The following PTPN9 variants were observed in gnomAD, a reference collection of about 807,000 sequenced individuals.
PTPN9 encodes tyrosine-protein phosphatase non-receptor type 9.
Under a neutral mutation model 69.8 loss-of-function variants are expected in PTPN9, and 26 were observed. The ratio of observed to expected loss-of-function variants is 0.37; its 90% CI spans 0.27 to 0.52. PTPN9 has a LOEUF of 0.52. Among genes scored for constraint, PTPN9 ranks in the 20% least tolerant of loss-of-function variants. PTPN9 has a pLI of 0.91. For synonymous variants in PTPN9, 274 were observed against 272.5 expected (o/e 1.01, Z -0.05); for missense variants, 549 against 740.3 (o/e 0.74, Z 3.00).
intron 2 of PTPN9, among the ~76,000 whole-genome samples, chr15:75,526,028 C>T (rs1308716687): frequency 2.0e-5 from 3 of 150,892 alleles, no homozygotes; most frequent in African/African-American, 7.3e-5. Flanking sequence ...AACAGTCTCA[C>T]TCTGTTGCCC....
At chr15:75,553,607 C>G (rs1255494313) in intron 1 of PTPN9, among the ~76,000 whole-genome samples, 1 of 152,086 alleles carries the variant, frequency 6.6e-6, no homozygotes, top group Admixed American at 6.6e-5. Context: ...TATATCCCCC[C>G]ACAACATATT....
intron 2 of PTPN9, among the ~76,000 whole-genome samples, chr15:75,526,880 G>A (rs577626191): frequency 4.6e-5 from 7 of 152,270 alleles, no homozygotes; most frequent in African/African-American, 9.6e-5. Flanking sequence ...TACTTCCTCC[G>A]TCTCAATCAT....
In PTPN9 at chr15:75,517,338, A is replaced by G. The variant is rs1388099911; in HGVS notation, c.449T>C (p.Val150Ala). 5 of 1,613,602 alleles carry G rather than the reference A, an allele frequency of 3.1e-6. No individual in the cohort carries two copies. Among genetic ancestry groups the G allele is most frequent in the Non-Finnish European group, 4.2e-6 (5 of 1,179,826 alleles). ...DSFETQRNGL[V>A]FIYDMCGSNY... The stretch of plus-strand genomic sequence containing the variant: ...AGAACCACACATGTCATAGATAAAC[A>G]CCAGTCCATTCCTCTGAGTTTCAAA... The change falls in exon 5 of 13, where the codon GTG becomes GCG. Residue 150 changes from valine (V) to alanine (A), a missense_variant. Physicochemically the swap from Val to Ala is moderately conservative, Grantham distance 64 (BLOSUM62 0). Around this residue, in one of 3 missense-constraint regions of PTPN9, gnomAD observed 457 missense variants for 661.9 expected, o/e 0.69. Transcript: ENST00000618819.
At chr15:75,503,133 C>T (rs1434771944) in intron 7 of PTPN9, among the ~76,000 whole-genome samples, 1 of 150,436 alleles carries the variant, frequency 6.6e-6, no homozygotes, top group Non-Finnish European at 1.5e-5. Context: ...TGCCTGGCTG[C>T]CCAGTCTGGA....
intron 1 of PTPN9, among the ~76,000 whole-genome samples, chr15:75,545,315 C>T (rs1331771929): frequency 1.3e-5 from 2 of 152,074 alleles, no homozygotes; most frequent in Admixed American, 6.6e-5. Context: ...CACTTGTAAT[C>T]CCAACACTAT....
intron 8 of PTPN9, among the ~76,000 whole-genome samples, 172 bp downstream of exon 8, chr15:75,490,036 A>G (rs1409455571): frequency 1.3e-5 from 2 of 152,246 alleles, no homozygotes; most frequent in African/African-American, 4.8e-5. Flanking sequence ...TGAGATGGGC[A>G]TTTGAGGACT....
chr15:75,527,092 G>A (rs2074931615), intron 2 of PTPN9, 26 bp downstream of exon 2: 4 of 1,613,838 alleles, frequency 2.5e-6, no homozygotes, highest in Non-Finnish European at 3.4e-6. Flanking sequence ...ACTGCCACAG[G>A]TCTGGTCTAC....
At chr15:75,513,111 T>C (rs1279409764) in intron 5 of PTPN9, 1 of 379,836 alleles carries the variant, frequency 2.6e-6, no homozygotes, top group East Asian at 7.1e-5. Context: ...CCCTGGTGAC[T>C]GCAGCAGGTA....
rs1220654496 is a variant in PTPN9, at chr15:75,503,469, C to T, written c.968+2206G>A. Among the ~76,000 whole-genome samples the T allele has an allele frequency of 2.7e-5, 4 of 145,758 alleles. No individual in the cohort carries two copies. The East Asian group carries it at 8.4e-4, about 30-fold the overall frequency. ...CGCCCCGTCTGAGAAGTGAGGAGTC[C>T]CTCTGCCCGGCAGCCACCCCGTCTG... On this transcript the variant is annotated intron_variant, in intron 7 of 12. Transcript: ENST00000618819.
chr15:75,505,938 C>G lies in PTPN9; in HGVS notation c.705G>C (p.Leu235=). ...CGAGATCAATTTTGACGTACCCACC[C>G]AGGTTTTCTGGAAGACACTCCCTGG... is the stretch of plus-strand genomic sequence containing the variant. ...HLPRECLPEN[L]GGYVKIDLAT... Residue 235 remains leucine, a synonymous_variant, in exon 7 of 13, where the codon CTG becomes CTC. Transcript: ENST00000618819. The G allele has an allele frequency of 6.2e-7, 1 of 1,614,060 alleles. No individual in the cohort carries two copies. The highest frequency in any genetic ancestry group is 8.5e-7 in the Non-Finnish European group (1 of 1,179,972).
intron 5 of PTPN9, chr15:75,513,144 G>C: frequency 2.5e-6 from 1 of 405,582 alleles, no homozygotes; most frequent in Non-Finnish European, 4.9e-6. Flanking sequence ...CATGTAAATA[G>C]ACTAGGCCCA....
At chr15:75,486,112 A>AC (rs35520792) in intron 8 of PTPN9, among the ~76,000 whole-genome samples, 1,677 of 151,254 alleles carry the variant, frequency 0.011, 39 homozygotes, top group East Asian at 0.1. Context: ...AAAAAAAAAA[A>AC]AAAACAAAAC....
At chr15:75,528,607 T>A (rs146878997) in intron 1 of PTPN9, among the ~76,000 whole-genome samples, 1 of 152,042 alleles carries the variant, frequency 6.6e-6, no homozygotes, top group Non-Finnish European at 1.5e-5. Flanking sequence ...TAGCCCAGGA[T>A]TGGTCTCAAA....
intron 1 of PTPN9, among the ~76,000 whole-genome samples, chr15:75,547,526 C>A (rs1180827467): frequency 6.6e-6 from 1 of 152,046 alleles, no homozygotes; most frequent in Non-Finnish European, 1.5e-5. Context: ...TACATTTTCT[C>A]ATCCAAAAAA....
Position 75,466,396 on chromosome 15 carries a change from T to C in PTPN9, c.*2373A>G, listed in dbSNP as rs540328905. On this transcript the variant is annotated 3_prime_UTR_variant, in exon 13 of 13. Transcript: ENST00000618819. ...GTATGATATGGGGAGTGGTCTTCCA[T>C]GTACAAAGCTTCTGGTTCCTTTCTT... is the stretch of plus-strand genomic sequence containing the variant. 7 of 152,354 alleles carry C rather than the reference T, an allele frequency of 4.6e-5. No individual in the cohort carries two copies. Among genetic ancestry groups the C allele is most frequent in the African/African-American group, 1.7e-4 (7 of 41,562 alleles). The allele number at this position is 152,354 out of a possible 1,614,324, so 9.4% of individuals were successfully genotyped here. A position where few individuals can be genotyped will look rare whatever the true frequency, so the allele number is the denominator to read the frequency against.
intron 8 of PTPN9, among the ~76,000 whole-genome samples, chr15:75,487,015 G>A (rs550338162): frequency 6.6e-6 from 1 of 152,104 alleles, no homozygotes; most frequent in Admixed American, 6.5e-5. Context: ...TCGATCTCCT[G>A]ACCTTGTGAT....
rs571550273 is a variant in PTPN9, at chr15:75,470,083, C to G, written c.1360-84G>C. The G allele has an allele frequency of 9.5e-5, 116 of 1,227,356 alleles. No homozygotes were observed. In the African/African-American group the frequency reaches 1.5e-3, roughly 16 times the overall value. The allele number at this position is 1,227,356 out of a possible 1,614,324, so 76.0% of individuals were successfully genotyped here. A position where few individuals can be genotyped will look rare whatever the true frequency, so the allele number is the denominator to read the frequency against. ...TCTGGCTTTTCCAGATTCTCAACAC[C>G]CTGGTTATCCCTACCACCAAGGCTC... On this transcript the variant is annotated intron_variant, in intron 11 of 12. Transcript: ENST00000618819.
chr15:75,565,410 T>C (rs1230285739), intron 1 of PTPN9, among the ~76,000 whole-genome samples: 3 of 152,166 alleles, frequency 2.0e-5, no homozygotes, highest in Non-Finnish European at 2.9e-5. Flanking sequence ...TTTTCAGAGA[T>C]AAACCATGGT....
At chr15:75,490,350 G>C (rs369936778) in intron 7 of PTPN9, 49 bp from the exon 8 acceptor site, 113 of 1,326,528 alleles carry the variant, frequency 8.5e-5, no homozygotes, top group Non-Finnish European at 1.2e-4. Flanking sequence ...AGTGGGGACA[G>C]TATGTATGTA....
Sources: allele counts gnomAD v4.1 joint callset (sites outside exome capture counted in the v4.1 genomes callset), GRCh38; gene constraint gnomAD v4.1.1; regional missense constraint gnomAD v4.1.1; transcripts MANE v1.5; gene names NCBI Gene and HGNC (gene_info 2026-07-23, HGNC 2026-07-21).